GAREM1: variants seen among roughly 807,000 people sequenced by gnomAD.
GAREM1 encodes the protein GRB2 associated regulator of MAPK1 subtype 1, also known as GRB2-associated and regulator of MAPK protein 1.
GAREM1 carries 26 observed loss-of-function variants against 71.3 expected under a neutral mutation model. The ratio of observed to expected loss-of-function variants is 0.36; its 90% confidence interval spans 0.27 to 0.51. GAREM1 has a LOEUF of 0.51. Among genes scored for constraint, GAREM1 ranks in the 20% least tolerant of loss-of-function variants. GAREM1 has a pLI of 0.95. For missense variants in GAREM1, 1,026 were observed against 1,103.1 expected (o/e 0.93, Z 0.99); for synonymous variants, 440 against 433.2 (o/e 1.02, Z -0.20).
intron 1 of GAREM1, among the ~76,000 whole-genome samples, chr18:32,396,384 T>C (rs574838825): frequency 2.6e-5 from 4 of 152,192 alleles, no homozygotes; most frequent in African/African-American, 4.8e-5. Context: ...TTCGAACCCA[T>C]TGCAAAGGAG....
chr18:32,452,812 T>C (rs887891451), intron 1 of GAREM1, among the ~76,000 whole-genome samples: 11 of 151,696 alleles, frequency 7.3e-5, no homozygotes, highest in Non-Finnish European at 1.5e-5. Context: ...ACTGTTACTT[T>C]GAGGATCCAG....
Position 32,286,618 on chromosome 18 carries a change from T to C in GAREM1, c.1566+413A>G, listed in dbSNP as rs142087469. Among the ~76,000 whole-genome samples the C allele has an allele frequency of 1.3e-3, 195 of 152,242 alleles. 1 individual carries two copies. Among genetic ancestry groups the C allele is most frequent in the Non-Finnish European group, 1.2e-3 (82 of 68,028 alleles). On this transcript the variant is annotated intron_variant, in intron 4 of 5. Coordinates refer to ENST00000269209, the MANE Select transcript of GAREM1 (RefSeq NM_001242409.2). ...TGACATCCAACTCACAAGTAAATAT[T>C]GTTGGGTTTACCTATGAAACAGTCT...
chr18:32,282,560 G>C (rs569936043), intron 4 of GAREM1, among the ~76,000 whole-genome samples: 1 of 152,324 alleles, frequency 6.6e-6, no homozygotes, highest in South Asian at 2.1e-4. Flanking sequence ...TTCTGAGACT[G>C]AGTCTTGCTC....
At chr18:32,310,130 C>T in intron 3 of GAREM1, 63 bp downstream of exon 3, 2 of 1,574,482 alleles carry the variant, frequency 1.3e-6, no homozygotes, top group East Asian at 2.2e-5. Context: ...CTGTGTACAT[C>T]CAGACTTGAA....
intron 2 of GAREM1, among the ~76,000 whole-genome samples, chr18:32,344,122 C>G (rs2047673027): frequency 6.6e-6 from 1 of 152,174 alleles, no homozygotes; most frequent in Non-Finnish European, 1.5e-5. Context: ...ATTAATAACA[C>G]CTCTGCATTA....
At chr18:32,318,921 G>C (rs1273130226) in intron 2 of GAREM1, among the ~76,000 whole-genome samples, 1 of 152,098 alleles carries the variant, frequency 6.6e-6, no homozygotes, top group Non-Finnish European at 1.5e-5. Flanking sequence ...AATGGGACCA[G>C]AACACCAAAG....
intron 1 of GAREM1, among the ~76,000 whole-genome samples, chr18:32,394,903 G>A (rs140522945): frequency 6.6e-6 from 1 of 152,226 alleles, no homozygotes; most frequent in African/African-American, 2.4e-5. Flanking sequence ...AATACAACAG[G>A]CCCTGCTGCA....
chr18:32,317,981 T>A (rs772129138), intron 2 of GAREM1, among the ~76,000 whole-genome samples: 2 of 152,172 alleles, frequency 1.3e-5, no homozygotes, highest in Non-Finnish European at 2.9e-5. Context: ...ATAAAAACAT[T>A]TGGAGATTGT....
At position 32,470,297 on chromosome 18, in the gene GAREM1, C is replaced by G. The variant is rs1233789907; in HGVS notation, c.121+11G>C. The G allele has an allele frequency of 5.9e-6, 9 of 1,523,654 alleles. No individual in the cohort carries two copies. The Admixed American group carries it at 7.9e-5, about 13-fold the overall frequency. The allele number at this position is 1,523,654 out of a possible 1,614,324, so 94.4% of individuals were successfully genotyped here. On this transcript the variant is annotated intron_variant, in intron 1 of 5. Transcript: ENST00000269209. The surrounding 1 kb of genome is among the most constrained non-coding windows in gnomAD (Gnocchi z 4.4). ...CTCGCCCGTCTGCCCCGCGCCCCAG[C>G]TGGGACTCACCGTTGTCCAGGCGCG...
At chr18:32,298,571 C>A (rs111996197) in intron 3 of GAREM1, among the ~76,000 whole-genome samples, 1 of 151,998 alleles carries the variant, frequency 6.6e-6, no homozygotes, top group Non-Finnish European at 1.5e-5. Context: ...TACTTTTTAC[C>A]GCTCATAATA....
chr18:32,369,066 T>C (rs773689374), intron 2 of GAREM1, among the ~76,000 whole-genome samples: 41 of 152,256 alleles, frequency 2.7e-4, no homozygotes, highest in Non-Finnish European at 4.1e-4. Flanking sequence ...TTTTATCATA[T>C]TGCCTTCCCC....
rs545461271 is a variant in GAREM1, at chr18:32,291,292, T to C, written c.394-3089A>G. 5.8e-5 allele frequency among the ~76,000 whole-genome samples: 8 copies of C among 136,832 alleles called. No homozygotes were observed. The South Asian group carries it at 7.0e-4, about 12-fold the overall frequency. 89.8% of individuals were successfully genotyped at this position (136,832 alleles called of 152,430 possible). ...TAAGAAGAAAGGAAAAATTAGTATA[T>C]ACATTTTCTTTTTATTTTTGTTACC... On this transcript the variant is annotated intron_variant, in intron 3 of 5. Coordinates refer to ENST00000269209, the MANE Select transcript of GAREM1 (RefSeq NM_001242409.2).
At chr18:32,328,509 T>A (rs538107989) in intron 2 of GAREM1, among the ~76,000 whole-genome samples, 1 of 152,204 alleles carries the variant, frequency 6.6e-6, no homozygotes, top group Admixed American at 6.5e-5. Context: ...CTGACATTAT[T>A]TTCATGAGTG....
At chr18:32,288,633 A>C (rs2047051026) in intron 3 of GAREM1, among the ~76,000 whole-genome samples, 1 of 151,932 alleles carries the variant, frequency 6.6e-6, no homozygotes, top group Non-Finnish European at 1.5e-5. Context: ...GGTATTTCTC[A>C]ATTTTTTAAA....
At chr18:32,443,650 T>C (rs1368273110) in intron 1 of GAREM1, among the ~76,000 whole-genome samples, 2 of 152,174 alleles carry the variant, frequency 1.3e-5, no homozygotes, top group Non-Finnish European at 2.9e-5. Context: ...ATGCAGAAAC[T>C]GGAACCTTAC....
intron 2 of GAREM1, among the ~76,000 whole-genome samples, chr18:32,312,207 C>T (rs184631113): frequency 8.5e-4 from 129 of 152,292 alleles, no homozygotes; most frequent in Non-Finnish European, 1.1e-3. Flanking sequence ...TGGCAGTCAT[C>T]GGCTAACAGA....
At chr18:32,305,895 T>C (rs1232376693) in intron 3 of GAREM1, among the ~76,000 whole-genome samples, 1 of 152,182 alleles carries the variant, frequency 6.6e-6, no homozygotes, top group African/African-American at 2.4e-5. Flanking sequence ...TTTGCTGATC[T>C]CTGCTATACT....
At chr18:32,422,893 T>C (rs113949628) in intron 1 of GAREM1, among the ~76,000 whole-genome samples, 1 of 152,196 alleles carries the variant, frequency 6.6e-6, no homozygotes, top group Non-Finnish European at 1.5e-5. Context: ...TGAGGAAATA[T>C]GTACAAGGTT....
At chr18:32,432,956 C>T (rs987140424) in intron 1 of GAREM1, among the ~76,000 whole-genome samples, 9 of 151,992 alleles carry the variant, frequency 5.9e-5, no homozygotes, top group Admixed American at 4.6e-4. Flanking sequence ...GCCAGCATTA[C>T]CATGTTACCA....
Sources: gnomAD v4.1 joint callset for allele counts (sites outside exome capture counted in the v4.1 genomes callset) on GRCh38, gnomAD v4.1.1 for gene constraint, Gnocchi (gnomAD v3.1) non-coding constraint, MANE v1.5 for transcripts, NCBI Gene and HGNC (gene_info 2026-07-23, HGNC 2026-07-21) for gene names.